The following PCCA variants were observed in gnomAD, a reference collection of about 807,000 sequenced individuals.
PCCA encodes the protein propionyl-CoA carboxylase alpha chain, mitochondrial.
Under a neutral mutation model 101.3 loss-of-function variants are expected in PCCA, and 74 were observed. The ratio of observed to expected loss-of-function variants is 0.73; its 90% CI spans 0.61 to 0.89. PCCA has a LOEUF of 0.89. Among genes scored for constraint, PCCA ranks in the 40% least tolerant of loss-of-function variants. PCCA has a pLI of 0.00. For missense variants in PCCA, 891 were observed against 907.0 expected, an observed-to-expected ratio of 0.98 and a Z score of 0.23; for synonymous variants, 294 against 313.6, an observed-to-expected ratio of 0.94 and a Z score of 0.66.
At chr13:100,468,573 T>G (rs1481791496) in intron 21 of PCCA, among the ~76,000 whole-genome samples, 1 of 152,240 alleles carries the variant, frequency 6.6e-6, no homozygotes, top group African/African-American at 2.4e-5. Flanking sequence ...GATAGTTTCT[T>G]TAAACCTCAT....
intron 7 of PCCA, among the ~76,000 whole-genome samples, chr13:100,221,531 G>C (rs554147983): frequency 9.4e-4 from 143 of 152,258 alleles, no homozygotes; most frequent in Non-Finnish European, 1.6e-3. Flanking sequence ...TGGAAAGGTA[G>C]ACAGGAGAAA....
chr13:100,103,206 T>C (rs1183006933), intron 2 of PCCA, among the ~76,000 whole-genome samples: 1 of 152,120 alleles, frequency 6.6e-6, no homozygotes, highest in Non-Finnish European at 1.5e-5. Flanking sequence ...GCATTTACAA[T>C]GTGTTTCCTT....
chr13:100,171,629 C>T (rs2055657247), intron 6 of PCCA, among the ~76,000 whole-genome samples: 1 of 152,236 alleles, frequency 6.6e-6, no homozygotes, highest in Non-Finnish European at 1.5e-5. Context: ...TGGCCTACGC[C>T]TGTAATCCTA....
At chr13:100,514,260 C>A (rs1026360497) in intron 21 of PCCA, among the ~76,000 whole-genome samples, 1 of 152,154 alleles carries the variant, frequency 6.6e-6, no homozygotes, top group Non-Finnish European at 1.5e-5. Flanking sequence ...TGTCGCAAAT[C>A]CACTTGGAAC....
chr13:100,211,608 A>G (rs1446048087), intron 7 of PCCA, among the ~76,000 whole-genome samples: 1 of 151,812 alleles, frequency 6.6e-6, no homozygotes, highest in East Asian at 1.9e-4. Flanking sequence ...TGTTCTTCCT[A>G]TCTTTGTTCC....
At chr13:100,268,998 T>G (rs1298431870) in intron 11 of PCCA, among the ~76,000 whole-genome samples, 3 of 152,064 alleles carry the variant, frequency 2.0e-5, no homozygotes, top group African/African-American at 7.2e-5. Flanking sequence ...TACAGGTGTG[T>G]GCCACCATGC....
At chr13:100,504,317 G>T (rs910778930) in intron 21 of PCCA, among the ~76,000 whole-genome samples, 17 of 152,220 alleles carry the variant, frequency 1.1e-4, no homozygotes, top group African/African-American at 3.9e-4. Flanking sequence ...TCCAAGTCGG[G>T]AGAATGTTCA....
intron 12 of PCCA, among the ~76,000 whole-genome samples, chr13:100,277,782 G>A (rs533369794): frequency 6.6e-6 from 1 of 152,272 alleles, no homozygotes; most frequent in South Asian, 2.1e-4. Context: ...ACCCTAGAAG[G>A]AGTTTGGAGG....
intron 7 of PCCA, among the ~76,000 whole-genome samples, chr13:100,228,405 A>G (rs2060274143): frequency 6.6e-6 from 1 of 152,142 alleles, no homozygotes; most frequent in Admixed American, 6.5e-5. Context: ...ATTGAACATT[A>G]TGTTAACAGA....
intron 19 of PCCA, among the ~76,000 whole-genome samples, chr13:100,408,458 A>G (rs1183977311): frequency 1.3e-5 from 2 of 152,246 alleles, no homozygotes; most frequent in African/African-American, 2.4e-5. Flanking sequence ...ACTGAAAGGT[A>G]TCACAGTTTT....
chr13:100,191,952 A>G (rs1187903284), intron 6 of PCCA, among the ~76,000 whole-genome samples: 2 of 152,228 alleles, frequency 1.3e-5, no homozygotes, highest in East Asian at 3.8e-4. Flanking sequence ...CTAGAAGGCT[A>G]TGAAGGCTCT....
At chr13:100,382,096 T>G (rs543707304) in intron 19 of PCCA, among the ~76,000 whole-genome samples, 105 of 152,332 alleles carry the variant, frequency 6.9e-4, no homozygotes, top group Non-Finnish European at 9.7e-4. Flanking sequence ...AACAACCTTT[T>G]GTATCCACAC....
intron 1 of PCCA, among the ~76,000 whole-genome samples, chr13:100,100,506 A>T (rs575757570): frequency 6.6e-6 from 1 of 152,378 alleles, no homozygotes; most frequent in South Asian, 2.1e-4. Context: ...GCTTAACAAA[A>T]ACAACAAACG....
intron 20 of PCCA, among the ~76,000 whole-genome samples, chr13:100,441,073 T>C (rs532963169): frequency 3.3e-5 from 5 of 152,322 alleles, no homozygotes; most frequent in Admixed American, 6.5e-5. Flanking sequence ...TTCTGGGTTT[T>C]ATAATTTGGA....
At chr13:100,188,619 T>C (rs1023012720) in intron 6 of PCCA, among the ~76,000 whole-genome samples, 4 of 152,236 alleles carry the variant, frequency 2.6e-5, no homozygotes, top group Admixed American at 1.3e-4. Flanking sequence ...TTTTAGTTCT[T>C]TAAGGAATCT....
intron 21 of PCCA, among the ~76,000 whole-genome samples, chr13:100,494,841 T>C (rs1312646908): frequency 6.6e-6 from 1 of 152,156 alleles, no homozygotes; most frequent in African/African-American, 2.4e-5. Context: ...ACATCCCTAC[T>C]TCTGGAAAGC....
chr13:100,465,711 C>T (rs1160051446), intron 21 of PCCA, among the ~76,000 whole-genome samples: 1 of 152,168 alleles, frequency 6.6e-6, no homozygotes, highest in Middle Eastern at 3.2e-3. Flanking sequence ...GAACATGTCT[C>T]CAGATATAAC....
intron 17 of PCCA, among the ~76,000 whole-genome samples, chr13:100,334,360 C>G (rs548715690): frequency 1.4e-4 from 21 of 152,158 alleles, no homozygotes; most frequent in Non-Finnish European, 3.1e-4. Flanking sequence ...TTCCCCCACA[C>G]CCCAGTTGTT....
intron 12 of PCCA, among the ~76,000 whole-genome samples, chr13:100,299,361 A>C (rs990047971): frequency 6.6e-6 from 1 of 152,232 alleles, no homozygotes; most frequent in African/African-American, 2.4e-5. Context: ...TGAAACCTTC[A>C]TAGTAATATG....
Sources: gnomAD v4.1 joint callset for allele counts (sites outside exome capture counted in the v4.1 genomes callset) on GRCh38, gnomAD v4.1.1 for gene constraint, MANE v1.5 for transcripts, NCBI Gene and HGNC (gene_info 2026-07-23, HGNC 2026-07-21) for gene names.